CEP170: variants seen among roughly 807,000 people sequenced by gnomAD.
The protein encoded by CEP170 is centrosomal protein 170.
In CEP170, 21 loss-of-function variants were observed where a neutral mutation model predicts 151.9. The observed-to-expected ratio is 0.14, with a 90% CI of 0.10 to 0.20. The LOEUF is 0.20. CEP170 is among the 10% of genes least tolerant of loss of function. The pLI is 1.00. For missense variants in CEP170, 964 were observed against 1,892.9 expected, an observed-to-expected ratio of 0.51 and a Z score of 9.11; for synonymous variants, 356 against 648.8, an observed-to-expected ratio of 0.55 and a Z score of 6.86.
intron 3 of CEP170, among the ~76,000 whole-genome samples, chr1:243,219,530 T>C (rs192480967): frequency 1.3e-5 from 2 of 152,350 alleles, no homozygotes; most frequent in Non-Finnish European, 2.9e-5. Flanking sequence ...AAAAATGTCA[T>C]GTTTCACCTG....
At chr1:243,229,853 A>C (rs2063574892) in intron 1 of CEP170, among the ~76,000 whole-genome samples, 1 of 152,190 alleles carries the variant, frequency 6.6e-6, no homozygotes, top group Admixed American at 6.5e-5. Flanking sequence ...TATTGAAAGC[A>C]ATCTTTATCA....
chr1:243,130,794 G>A (rs6663405), intron 17 of CEP170, among the ~76,000 whole-genome samples: 7,545 of 151,086 alleles, frequency 0.05, 399 homozygotes, highest in African/African-American at 0.14. Context: ...TTTGCTTAAG[G>A]TGGCAACGGG....
chr1:243,130,903 A>T (rs556765010), intron 17 of CEP170, among the ~76,000 whole-genome samples: 3 of 151,980 alleles, frequency 2.0e-5, no homozygotes, highest in African/African-American at 7.2e-5. Flanking sequence ...CTAAATTATT[A>T]TGTTCTTGTA....
At chr1:243,244,729 A>G (rs1049933492) in intron 1 of CEP170, among the ~76,000 whole-genome samples, 5 of 151,400 alleles carry the variant, frequency 3.3e-5, no homozygotes, top group African/African-American at 1.2e-4. Context: ...CTGGAGGACA[A>G]AGTGAAACCC....
At chr1:243,154,998 C>T (rs180688852) in intron 14 of CEP170, among the ~76,000 whole-genome samples, 188 of 152,106 alleles carry the variant, frequency 1.2e-3, no homozygotes, top group African/African-American at 4.0e-3. Flanking sequence ...TTGCTAGCAG[C>T]GCCTGGAAGT....
chr1:243,201,239 TA>T (rs2061009874), intron 4 of CEP170, among the ~76,000 whole-genome samples: 1 of 152,008 alleles, frequency 6.6e-6, no homozygotes, highest in Non-Finnish European at 1.5e-5. Flanking sequence ...CAGCAATTCC[TA>T]AAAGAATTTG....
At chr1:243,176,104 A>G (rs1242090422) in intron 10 of CEP170, among the ~76,000 whole-genome samples, 1 of 151,910 alleles carries the variant, frequency 6.6e-6, no homozygotes, top group African/African-American at 2.4e-5. Context: ...CCTCAAAGGT[A>G]TTTCCAACAT....
chr1:243,179,188 A>G (rs1268023331), intron 10 of CEP170, among the ~76,000 whole-genome samples: 1 of 152,026 alleles, frequency 6.6e-6, no homozygotes, highest in Non-Finnish European at 1.5e-5. Flanking sequence ...TCTTTCTTTC[A>G]TATCTTCAAA....
At chr1:243,249,952 T>G (rs1267563059) in intron 1 of CEP170, among the ~76,000 whole-genome samples, 1 of 152,184 alleles carries the variant, frequency 6.6e-6, no homozygotes, top group Non-Finnish European at 1.5e-5. Flanking sequence ...GTGCCTGTAG[T>G]CCCGGCTACT....
At chr1:243,175,423 T>C (rs899585719) in intron 10 of CEP170, among the ~76,000 whole-genome samples, 4 of 152,210 alleles carry the variant, frequency 2.6e-5, no homozygotes, top group African/African-American at 9.6e-5. Context: ...TTTGAAAAAT[T>C]AATGATAGCA....
intron 14 of CEP170, among the ~76,000 whole-genome samples, chr1:243,145,832 TTA>T (rs1352903521): frequency 6.6e-6 from 1 of 152,142 alleles, no homozygotes; most frequent in Non-Finnish European, 1.5e-5. Flanking sequence ...AAGAAATAAT[TTA>T]GTCTAGTTTG....
At chr1:243,227,653 T>C (rs534684260) in intron 1 of CEP170, among the ~76,000 whole-genome samples, 1 of 152,318 alleles carries the variant, frequency 6.6e-6, no homozygotes, top group South Asian at 2.1e-4. Context: ...TGAATACAAT[T>C]ACTCCTTGGA....
At chr1:243,178,670 T>C (rs983944198) in intron 10 of CEP170, among the ~76,000 whole-genome samples, 5 of 152,164 alleles carry the variant, frequency 3.3e-5, no homozygotes, top group African/African-American at 1.2e-4. Flanking sequence ...GTCAATTTCA[T>C]ATTATATGAA....
At chr1:243,128,447 AATT>A in intron 18 of CEP170, 147 bp from the exon 19 acceptor site, 1 of 536,150 alleles carries the variant, frequency 1.9e-6, no homozygotes, top group Non-Finnish European at 3.1e-6. Flanking sequence ...GATATGAAAT[AATT>A]ATGATATCTA....
chr1:243,160,889 A>T (rs544436242), intron 13 of CEP170, among the ~76,000 whole-genome samples: 14 of 152,158 alleles, frequency 9.2e-5, no homozygotes, highest in Non-Finnish European at 1.5e-4. Context: ...GGATATTAAC[A>T]TAATGTTTTT....
intron 11 of CEP170, among the ~76,000 whole-genome samples, chr1:243,170,093 A>G (rs2058720846): frequency 6.6e-6 from 1 of 152,194 alleles, no homozygotes. Flanking sequence ...TTTTATTAAG[A>G]GTGTCAGATT....
chr1:243,242,592 C>T (rs2064961732), intron 1 of CEP170, among the ~76,000 whole-genome samples: 1 of 152,196 alleles, frequency 6.6e-6, no homozygotes, highest in South Asian at 2.1e-4. Flanking sequence ...AGTCCCATCC[C>T]CTTGTCCCCA....
Position 243,165,467 on chromosome 1 carries a change from C to T in CEP170, c.2493G>A (p.Lys831=), listed in dbSNP as rs1194906891. 1 of 1,597,120 alleles carries T rather than the reference C, an allele frequency of 6.3e-7. No individual in the cohort carries two copies. Among genetic ancestry groups the T allele is most frequent in the African/African-American group, 1.3e-5 (1 of 74,352 alleles). Residue 831 remains lysine, a synonymous_variant, in exon 13 of 20, where the codon AAG becomes AAA. Coordinates refer to ENST00000366542, the MANE Select transcript of CEP170 (RefSeq NM_014812.3). ...PKGGDKKESS[K]SLVRQGSFTI... ...TGAAGCTCCCTTGTCGCACTAATGA[C>T]TTGGAGGATTCCTTCTTGTCTCCTC...
intron 1 of CEP170, among the ~76,000 whole-genome samples, chr1:243,228,800 T>A (rs1308279798): frequency 6.6e-6 from 1 of 151,904 alleles, no homozygotes; most frequent in East Asian, 1.9e-4. Context: ...AAACATACAA[T>A]AATTATACAG....
Sources: allele counts gnomAD v4.1 joint callset (sites outside exome capture counted in the v4.1 genomes callset), GRCh38; gene constraint gnomAD v4.1.1; transcripts MANE v1.5; gene names NCBI Gene and HGNC (gene_info 2026-07-23, HGNC 2026-07-21).